WDR33: variants seen among roughly 807,000 people sequenced by gnomAD.
The protein encoded by WDR33 is WD repeat domain 33.
A neutral mutation model predicts 164.9 loss-of-function variants in WDR33; 47 were observed. The observed-to-expected ratio is 0.29, with a 90% CI of 0.23 to 0.36. The LOEUF is 0.36. WDR33 is among the 10% of genes least tolerant of loss of function. The pLI is 1.00. For synonymous variants in WDR33, 505 were observed against 589.0 expected (o/e 0.86, Z 2.06); for missense variants, 1,137 against 1,754.1 (o/e 0.65, Z 6.28).
Position 127,768,935 on chromosome 2 carries a change from C to G in WDR33, c.271G>C (p.Asp91His). ...AGTATGACACATCATGTACTTACAT[C>G]ATTGTAATAACCTGCATCAGGCTGA... ...AIQPDAGYYN[D>H]LVPPIGMLNN... The change falls in exon 3 of 22, where the codon GAT (aspartate) becomes CAT (histidine). Residue 91 changes from aspartate (D) to histidine (H), a missense_variant and splice_region_variant. Asp to His is a moderately conservative substitution (Grantham distance 81, BLOSUM62 -1). This residue lies in a region of WDR33 where 55 missense variants were observed against 84.6 expected (regional missense o/e 0.65). Transcript: ENST00000322313. 1.9e-6 allele frequency: 3 copies of G among 1,594,758 alleles called. No homozygotes were observed. The highest frequency in any genetic ancestry group is 2.6e-6 in the Non-Finnish European group (3 of 1,171,138).
In WDR33 at chr2:127,716,005, G is replaced by A. The variant is rs1269160421; in HGVS notation, c.2869+1150C>T. On this transcript the variant is annotated intron_variant, in intron 17 of 21. Coordinates refer to ENST00000322313, the MANE Select transcript of WDR33 (RefSeq NM_018383.5). This position sits in a 1 kb window ranked among gnomAD's most constrained non-coding sequence, Gnocchi z 4.5. The stretch of plus-strand genomic sequence containing the variant: ...AGGGAAGGAGGTGGAGACAGACACA[G>A]GGCAGGGAGAGGAAGAGAGGCAGCT... Among the ~76,000 whole-genome samples, 1 of 152,150 alleles carries A rather than the reference G, an allele frequency of 6.6e-6. No individual in the cohort carries two copies. Among genetic ancestry groups the A allele is most frequent in the Admixed American group, 6.5e-5 (1 of 15,282 alleles).
chr2:127,764,578 A>C lies in WDR33; in HGVS notation c.626+250T>G. 6.4e-7 allele frequency: 1 copy of C among 1,551,480 alleles called. No homozygotes were observed. The highest frequency in any genetic ancestry group is 8.7e-7 in the Non-Finnish European group (1 of 1,146,970). On this transcript the variant is annotated intron_variant, in intron 6 of 21. Coordinates refer to ENST00000322313, the MANE Select transcript of WDR33 (RefSeq NM_018383.5). This position sits in a 1 kb window ranked among gnomAD's most constrained non-coding sequence, Gnocchi z 6.2. The stretch of plus-strand genomic sequence containing the variant: ...TATTAATCATAAATGAAAAGAGAAA[A>C]CCAGTGCAAAATGCGGCAGACAGTA...
chr2:127,759,251 T>C (rs1225116611), intron 7 of WDR33, among the ~76,000 whole-genome samples: 2 of 152,202 alleles, frequency 1.3e-5, no homozygotes, highest in Non-Finnish European at 2.9e-5. Flanking sequence ...TTTTTCAACT[T>C]ATGTACCAAC....
In WDR33 at chr2:127,709,912, T is replaced by C; in HGVS notation, c.3309-56A>G. ...TCAGAGAACACCTTGCCACTCTAAGTTCATGTTTCAAAGAAGCATATGATA... is the reference window on the plus strand; with the variant it reads ...TCAGAGAACACCTTGCCACTCTAAGCTCATGTTTCAAAGAAGCATATGATA... On this transcript the variant is annotated intron_variant, in intron 18 of 21. Transcript: ENST00000322313. This position sits in a 1 kb window ranked among gnomAD's most constrained non-coding sequence, Gnocchi z 5.0. The C allele has an allele frequency of 6.4e-7, 1 of 1,574,274 alleles. No individual in the cohort carries two copies. The highest frequency in any genetic ancestry group is 1.2e-5 in the South Asian group (1 of 85,918).
At chr2:127,766,783 T>TG (rs1687834772) in intron 4 of WDR33, among the ~76,000 whole-genome samples, 1 of 152,174 alleles carries the variant, frequency 6.6e-6, no homozygotes, top group Non-Finnish European at 1.5e-5. Context: ...TCTTTTTTTT[T>TG]TTTGAAACAG....
chr2:127,734,669 C>A (rs1686795465), intron 7 of WDR33, among the ~76,000 whole-genome samples: 1 of 152,028 alleles, frequency 6.6e-6, no homozygotes, highest in Non-Finnish European at 1.5e-5. Flanking sequence ...TATGTGGTCA[C>A]CAAACAAAAC....
Position 127,726,881 on chromosome 2 carries a change from G to A in WDR33, c.725-104C>T. 2.0e-6 allele frequency: 3 copies of A among 1,466,436 alleles called. No individual in the cohort carries two copies. The highest frequency in any genetic ancestry group is 1.3e-5 in the South Asian group (1 of 77,056). 90.8% of individuals were successfully genotyped at this position (1,466,436 alleles called of 1,614,324 possible). The stretch of plus-strand genomic sequence containing the variant: ...GTAAATGTTTTGCTCTCAGTGCTCA[G>A]TCAACTTAAAACTTGTTTTGTGAAG... On this transcript the variant is annotated intron_variant, in intron 7 of 21. Coordinates refer to ENST00000322313, the MANE Select transcript of WDR33 (RefSeq NM_018383.5). This position sits in a 1 kb window ranked among gnomAD's most constrained non-coding sequence, Gnocchi z 4.8.
At chr2:127,794,425 G>T (rs570593122) in intron 1 of WDR33, among the ~76,000 whole-genome samples, 2 of 151,540 alleles carry the variant, frequency 1.3e-5, no homozygotes, top group Non-Finnish European at 2.9e-5. Context: ...ACTTGAACTT[G>T]GGGGGGCAGA....
chr2:127,765,107 A>G lies in WDR33; in HGVS notation c.474+67T>C, dbSNP rs2105436214. ...AATTCTAAGTTTAACAATGCCAATG[A>G]AATGACTATATCTCAAGTTCTTTAC... On this transcript the variant is annotated intron_variant, in intron 5 of 21. Coordinates refer to ENST00000322313, the MANE Select transcript of WDR33 (RefSeq NM_018383.5). The G allele has an allele frequency of 3.2e-6, 5 of 1,561,836 alleles. No homozygotes were observed. The South Asian group carries it at 4.5e-5, about 14-fold the overall frequency.
rs891227003 is a variant in WDR33 at position 127,738,129 on chromosome 2, T to C, written c.725-11352A>G. On this transcript the variant is annotated intron_variant, in intron 7 of 21. Coordinates refer to ENST00000322313, the MANE Select transcript of WDR33 (RefSeq NM_018383.5). This position sits in a 1 kb window ranked among gnomAD's most constrained non-coding sequence, Gnocchi z 4.4. Reference sequence around the variant, plus strand: ...TATCTATCACATGAGCCCTGGCAGATTGTGTAATTTCCAGATATGACTGAG... The same window carrying C: ...TATCTATCACATGAGCCCTGGCAGACTGTGTAATTTCCAGATATGACTGAG... 49 of 1,396,360 alleles carry C rather than the reference T, an allele frequency of 3.5e-5. 1 individual carries two copies. In the South Asian group the frequency reaches 6.6e-4, roughly 19 times the overall value. The allele number at this position is 1,396,360 out of a possible 1,614,324, so 86.5% of individuals were successfully genotyped here.
intron 7 of WDR33, among the ~76,000 whole-genome samples, chr2:127,734,567 T>C (rs1403069733): frequency 1.3e-5 from 2 of 152,242 alleles, no homozygotes; most frequent in South Asian, 2.1e-4. Context: ...TATTCATTTA[T>C]GTACTCTTCC....
At chr2:127,754,036 G>A (rs190894612) in intron 7 of WDR33, among the ~76,000 whole-genome samples, 18 of 152,216 alleles carry the variant, frequency 1.2e-4, no homozygotes, top group African/African-American at 4.1e-4. Context: ...CCATTATACT[G>A]TACATTTAAG....
At chr2:127,737,867 C>A in intron 7 of WDR33, 1 of 1,414,302 alleles carries the variant, frequency 7.1e-7, no homozygotes, top group Non-Finnish European at 9.2e-7. Flanking sequence ...TAATCCGTGT[C>A]AAAGTAGAAG....
Position 127,722,021 on chromosome 2 carries a change from T to C in WDR33, c.1519-33A>G. 6.2e-7 allele frequency: 1 copy of C among 1,601,024 alleles called. No individual in the cohort carries two copies. Among genetic ancestry groups the C allele is most frequent in the Non-Finnish European group, 8.5e-7 (1 of 1,176,798 alleles). On this transcript the variant is annotated intron_variant, in intron 14 of 21. Transcript: ENST00000322313. The surrounding 1 kb of genome is among the most constrained non-coding windows in gnomAD (Gnocchi z 5.1). ...AAGAAGAGAATATTAAAATGTACGCTAAGTATGAAAATTACAATGATAGAA... is the reference window on the plus strand; with the variant it reads ...AAGAAGAGAATATTAAAATGTACGCCAAGTATGAAAATTACAATGATAGAA...
At position 127,763,346 on chromosome 2, in the gene WDR33, C is replaced by A. The variant is rs1250748885; in HGVS notation, c.627-187G>T. The A allele has an allele frequency of 8.5e-6, 12 of 1,414,616 alleles. No homozygotes were observed. Among genetic ancestry groups the A allele is most frequent in the Non-Finnish European group, 1.0e-5 (11 of 1,085,992 alleles). The allele number at this position is 1,414,616 out of a possible 1,614,324, so 87.6% of individuals were successfully genotyped here. On this transcript the variant is annotated intron_variant, in intron 6 of 21. Transcript: ENST00000322313. This position sits in a 1 kb window ranked among gnomAD's most constrained non-coding sequence, Gnocchi z 4.5. Reference sequence around the variant, plus strand: ...GCATCTCATCAAAAGAAGACTTCAACAGAGCAGTTGTTTGAGTTTTCAATC... The same window carrying A: ...GCATCTCATCAAAAGAAGACTTCAAAAGAGCAGTTGTTTGAGTTTTCAATC...
chr2:127,773,422 G>C (rs201345557), intron 1 of WDR33, among the ~76,000 whole-genome samples: 3 of 136,114 alleles, frequency 2.2e-5, no homozygotes, highest in South Asian at 2.6e-4. Context: ...ATAACAACAA[G>C]GAGGAGGAGG....
chr2:127,724,233 A>T lies in WDR33; in HGVS notation c.1196+100T>A. On this transcript the variant is annotated intron_variant, in intron 11 of 21. Coordinates refer to ENST00000322313, the MANE Select transcript of WDR33 (RefSeq NM_018383.5). This position sits in a 1 kb window ranked among gnomAD's most constrained non-coding sequence, Gnocchi z 4.8. ...AAAATATTCCCAAGAATAAGTTGGAATATAAATTACTATATCAATCAACCA... is the reference window on the plus strand; with the variant it reads ...AAAATATTCCCAAGAATAAGTTGGATTATAAATTACTATATCAATCAACCA... The T allele has an allele frequency of 1.2e-6, 1 of 849,632 alleles. No individual in the cohort carries two copies. Among genetic ancestry groups the T allele is most frequent in the Non-Finnish European group, 1.8e-6 (1 of 559,698 alleles). 52.6% of individuals were successfully genotyped at this position (849,632 alleles called of 1,614,324 possible).
intron 1 of WDR33, among the ~76,000 whole-genome samples, chr2:127,805,961 A>C (rs933323918): frequency 6.9e-4 from 104 of 151,542 alleles, no homozygotes; most frequent in Non-Finnish European, 1.2e-3. Context: ...AAAAAAAAAA[A>C]AAAACCGCAG....
At chr2:127,776,225 C>G (rs1688179796) in intron 1 of WDR33, among the ~76,000 whole-genome samples, 1 of 152,190 alleles carries the variant, frequency 6.6e-6, no homozygotes, top group Non-Finnish European at 1.5e-5. Context: ...AGAGAGAAGA[C>G]AGCCATCTAG....
Sources: allele counts gnomAD v4.1 joint callset (sites outside exome capture counted in the v4.1 genomes callset), GRCh38; gene constraint gnomAD v4.1.1; regional missense constraint gnomAD v4.1.1; non-coding constraint Gnocchi (gnomAD v3.1); transcripts MANE v1.5; gene names NCBI Gene and HGNC (gene_info 2026-07-23, HGNC 2026-07-21).